The following EYS variants were observed in gnomAD, a reference collection of about 807,000 sequenced individuals.
EYS encodes EGF-like photoreceptor maintenance factor.
A neutral mutation model predicts 282.1 loss-of-function variants in EYS; 250 were observed. That is an observed-to-expected ratio of 0.89 (90% CI 0.80 to 0.98). The LOEUF (loss-of-function observed/expected upper bound fraction) is 0.98. Ranked by LOEUF, EYS falls within the 50% of genes least tolerant of loss-of-function variation. EYS has a pLI of 0.00. For missense variants in EYS, 4,016 were observed against 3,709.0 expected (o/e 1.08, Z -2.15); for synonymous variants, 1,355 against 1,282.9 (o/e 1.06, Z -1.20).
chr6:65,047,189 TA>T, intron 13 of EYS, among the ~76,000 whole-genome samples: 1 of 151,968 alleles, frequency 6.6e-6, no homozygotes, highest in African/African-American at 2.4e-5. Context: ...TATAAATTGT[TA>T]TTTTTCTAGT....
At chr6:64,080,524 G>A (rs1377815047) in intron 32 of EYS, among the ~76,000 whole-genome samples, 1 of 152,050 alleles carries the variant, frequency 6.6e-6, no homozygotes, top group African/African-American at 2.4e-5. Flanking sequence ...CACTCTGATG[G>A]TAGTTTCTTT....
intron 2 of EYS, among the ~76,000 whole-genome samples, chr6:65,544,393 C>T (rs571447734): frequency 2.0e-5 from 3 of 152,098 alleles, no homozygotes; most frequent in South Asian, 2.1e-4. Flanking sequence ...TACTGTGATA[C>T]GGTCTGGCTG....
chr6:64,115,311 C>T (rs535852946), intron 31 of EYS, among the ~76,000 whole-genome samples: 1 of 152,266 alleles, frequency 6.6e-6, no homozygotes, highest in Non-Finnish European at 1.5e-5. Context: ...GAACTGTAGT[C>T]ATTGTGTGTC....
At chr6:64,365,689 A>G (rs1233424366) in intron 29 of EYS, among the ~76,000 whole-genome samples, 1 of 152,080 alleles carries the variant, frequency 6.6e-6, no homozygotes, top group East Asian at 1.9e-4. Flanking sequence ...GCATACATAT[A>G]TACCTATGAT....
chr6:64,028,915 G>T (rs917895735), intron 33 of EYS, among the ~76,000 whole-genome samples: 5 of 152,162 alleles, frequency 3.3e-5, no homozygotes, highest in Admixed American at 3.3e-4. Flanking sequence ...TTAGCCAGAG[G>T]GACCAGGGCC....
rs1764551128 is a variant in EYS at position 64,173,842 on chromosome 6, A to AT, written c.6424+56749_6424+56750insA. On this transcript the variant is annotated intron_variant, in intron 31 of 42. Coordinates refer to ENST00000503581, the MANE Select transcript of EYS (RefSeq NM_001142800.2). Reference sequence around the variant, plus strand: ...TTAATATAAACTACAATAGAATTTAAAAAACAAATCTGGAAGAAGTATCTG... The same window carrying AT: ...TTAATATAAACTACAATAGAATTTAATAAAACAAATCTGGAAGAAGTATCTG... Among the ~76,000 whole-genome samples, 14 of 152,290 alleles carry AT rather than the reference A, an allele frequency of 9.2e-5. No homozygotes were observed. The South Asian group carries it at 2.9e-3, about 32-fold the overall frequency.
At chr6:63,905,231 T>C (rs1274752251) in intron 35 of EYS, among the ~76,000 whole-genome samples, 1 of 144,402 alleles carries the variant, frequency 6.9e-6, no homozygotes, top group Non-Finnish European at 1.5e-5. Flanking sequence ...TCGTAGCATG[T>C]ATCAGTACTT....
intron 13 of EYS, among the ~76,000 whole-genome samples, chr6:65,001,403 A>T (rs1474926244): frequency 6.8e-6 from 1 of 147,078 alleles, no homozygotes; most frequent in African/African-American, 2.4e-5. Flanking sequence ...ACCACTCCCA[A>T]ACTCCTCTTG....
At chr6:64,633,326 T>G (rs1767856599) in intron 22 of EYS, among the ~76,000 whole-genome samples, 2 of 152,310 alleles carry the variant, frequency 1.3e-5, no homozygotes, top group South Asian at 4.1e-4. Context: ...AAGTAGTTCC[T>G]TTTTATAGAT....
At chr6:64,890,497 C>T (rs902868105) in intron 18 of EYS, among the ~76,000 whole-genome samples, 1 of 152,096 alleles carries the variant, frequency 6.6e-6, no homozygotes, top group Admixed American at 6.6e-5. Flanking sequence ...CTTTATTTCT[C>T]AAGCCAGCTG....
At chr6:64,674,463 T>A (rs2149898567) in intron 22 of EYS, among the ~76,000 whole-genome samples, 1 of 152,196 alleles carries the variant, frequency 6.6e-6, no homozygotes, top group East Asian at 1.9e-4. Flanking sequence ...GTCAGTAAAA[T>A]GAAAGTCTTC....
At chr6:63,727,040 C>A (rs1389954616) in intron 41 of EYS, among the ~76,000 whole-genome samples, 1 of 152,130 alleles carries the variant, frequency 6.6e-6, no homozygotes, top group East Asian at 1.9e-4. Flanking sequence ...TCAGAAAGTT[C>A]AAATGTTGGA....
Position 65,187,385 on chromosome 6 carries a change from G to A in EYS, c.2023+108478C>T, listed in dbSNP as rs372623811. ...TTAATGTCAAGTATTAAAATAGCAC[G>A]CATTTTTTCAACATATTCTAGCCTC... On this transcript the variant is annotated intron_variant, in intron 12 of 42. Transcript: ENST00000503581. Among the ~76,000 whole-genome samples, 14 of 151,560 alleles carry A rather than the reference G, an allele frequency of 9.2e-5. No individual in the cohort carries two copies. In the East Asian group the frequency reaches 9.8e-4, roughly 11 times the overall value.
chr6:63,880,350 G>C (rs1191109409), intron 35 of EYS, among the ~76,000 whole-genome samples: 1 of 151,960 alleles, frequency 6.6e-6, no homozygotes, highest in Non-Finnish European at 1.5e-5. Context: ...AAGTTCTTCA[G>C]TTTTAAGACT....
chr6:65,401,042 T>C (rs1252811342), intron 7 of EYS, among the ~76,000 whole-genome samples: 1 of 151,910 alleles, frequency 6.6e-6, no homozygotes, highest in African/African-American at 2.4e-5. Context: ...TCTATTAAAT[T>C]ATAAACACTA....
At chr6:64,077,353 G>A (rs1054280984) in intron 32 of EYS, among the ~76,000 whole-genome samples, 1 of 151,972 alleles carries the variant, frequency 6.6e-6, no homozygotes, top group African/African-American at 2.4e-5. Context: ...TAATGAAGAT[G>A]TTATATATTC....
intron 5 of EYS, among the ~76,000 whole-genome samples, chr6:65,481,326 GTA>G (rs1397981387): frequency 6.9e-6 from 1 of 144,914 alleles, no homozygotes; most frequent in Non-Finnish European, 1.5e-5. Context: ...TGGCATATAT[GTA>G]TATCTGTTTA....
chr6:64,775,506 T>C (rs370229611), intron 22 of EYS, among the ~76,000 whole-genome samples: 11 of 152,036 alleles, frequency 7.2e-5, no homozygotes, highest in African/African-American at 2.4e-4. Flanking sequence ...ATGTATGTAA[T>C]AAATTATTGT....
rs372460144 is a variant in EYS at position 65,320,774 on chromosome 6, TAACAAGTGGCCTTA to T, written c.1766+14192_1766+14205del. 1.1e-3 allele frequency among the ~76,000 whole-genome samples: 166 copies of T among 152,282 alleles called. 1 individual carries two copies. The highest frequency in any genetic ancestry group is 3.8e-3 in the African/African-American group (160 of 41,584). On this transcript the variant is annotated intron_variant, in intron 11 of 42. Coordinates refer to ENST00000503581, the MANE Select transcript of EYS (RefSeq NM_001142800.2). ...AAACAGGTTGCCTTAAGGTGGCCCT[TAACAAGTGGCCTTA>T]AACAGGTGGCCTGAAAAAGGTGGCC...
Sources: gnomAD v4.1 joint callset for allele counts (sites outside exome capture counted in the v4.1 genomes callset) on GRCh38, gnomAD v4.1.1 for gene constraint, MANE v1.5 for transcripts, NCBI Gene and HGNC (gene_info 2026-07-23, HGNC 2026-07-21) for gene names.